The following QTMAN variants were observed in gnomAD, a reference collection of about 807,000 sequenced individuals.
QTMAN encodes tRNA-queuosine alpha-mannosyltransferase.
the QTMAN span, among the ~76,000 whole-genome samples, chr2:144,073,118 G>A: frequency 1.2e-3 from 185 of 152,052 alleles, 2 homozygotes; most frequent in African/African-American, 4.2e-3. Flanking sequence ...AAGCTAATTG[G>A]AAATTGCAAC....
chr2:144,208,691 A>G, the QTMAN span: 1 of 1,613,880 alleles, frequency 6.2e-7, no homozygotes, highest in South Asian at 1.1e-5. Flanking sequence ...GGAAGGGTAT[A>G]AACGACACAG....
the QTMAN span, among the ~76,000 whole-genome samples, chr2:144,197,458 C>T: frequency 1.3e-5 from 2 of 151,910 alleles, no homozygotes. Flanking sequence ...ACTTAAAATG[C>T]TGCCAAAACA....
the QTMAN span, among the ~76,000 whole-genome samples, chr2:144,087,850 TAGAGA>T: frequency 6.6e-6 from 1 of 152,054 alleles, no homozygotes; most frequent in Non-Finnish European, 1.5e-5. Context: ...TCATAGTGAA[TAGAGA>T]AAAGCTGAAA....
chr2:144,011,533 C>T, the QTMAN span: 18 of 735,456 alleles, frequency 2.4e-5, no homozygotes, highest in Non-Finnish European at 2.8e-5. Context: ...AAGCAGTTTG[C>T]TTAATAATAG....
At chr2:144,271,415 A>C in the QTMAN span, among the ~76,000 whole-genome samples, 1 of 152,204 alleles carries the variant, frequency 6.6e-6, no homozygotes, top group Non-Finnish European at 1.5e-5. Flanking sequence ...ACCAGCATAC[A>C]GAAGGAACCA....
the QTMAN span, among the ~76,000 whole-genome samples, chr2:143,980,134 A>G: frequency 1.4e-4 from 21 of 152,240 alleles, no homozygotes; most frequent in East Asian, 4.1e-3. Context: ...CCCATCACCT[A>G]GGTATTAATC....
At chr2:144,180,445 T>C in the QTMAN span, among the ~76,000 whole-genome samples, 1 of 152,094 alleles carries the variant, frequency 6.6e-6, no homozygotes, top group South Asian at 2.1e-4. Flanking sequence ...TTCTGAACTG[T>C]TAAAAAAAAT....
chr2:144,116,599 A>G, the QTMAN span, among the ~76,000 whole-genome samples: 1 of 152,180 alleles, frequency 6.6e-6, no homozygotes, highest in East Asian at 1.9e-4. Context: ...GTGGGTTCAA[A>G]TGAGCTAAAA....
At chr2:144,328,635 T>C in the QTMAN span, among the ~76,000 whole-genome samples, 2 of 152,208 alleles carry the variant, frequency 1.3e-5, no homozygotes, top group African/African-American at 4.8e-5. Flanking sequence ...GAAACTGATC[T>C]GGCAGTGAGT....
At chr2:143,943,219 GT>G in the QTMAN span, 3 of 152,146 alleles carry the variant, frequency 2.0e-5, no homozygotes, top group Non-Finnish European at 4.4e-5. Flanking sequence ...AACTTCCCCA[GT>G]TATATTTTAA....
At chr2:144,141,789 A>G in the QTMAN span, 1 of 926,442 alleles carries the variant, frequency 1.1e-6, no homozygotes, top group Non-Finnish European at 1.7e-6. Context: ...TACTTATGCT[A>G]AAAAGTTAAA....
the QTMAN span, among the ~76,000 whole-genome samples, chr2:144,034,158 A>G: frequency 1.9e-3 from 292 of 152,336 alleles, 3 homozygotes; most frequent in Non-Finnish European, 3.0e-3. Context: ...AATCAGAGCC[A>G]TTCCCCTGAA....
the QTMAN span, among the ~76,000 whole-genome samples, chr2:143,958,612 C>A: frequency 2.8e-4 from 42 of 151,944 alleles, no homozygotes; most frequent in African/African-American, 1.0e-3. Context: ...TAAATAGTTG[C>A]TAGAACCTAA....
the QTMAN span, among the ~76,000 whole-genome samples, chr2:143,956,640 C>T: frequency 6.6e-6 from 1 of 152,078 alleles, no homozygotes; most frequent in Non-Finnish European, 1.5e-5. Flanking sequence ...CTCCCATCCA[C>T]CTGAAGTCCA....
the QTMAN span, among the ~76,000 whole-genome samples, chr2:144,179,554 C>G: frequency 6.6e-6 from 1 of 152,062 alleles, no homozygotes; most frequent in Admixed American, 6.6e-5. Flanking sequence ...AAACATGAAC[C>G]ATCCTTCACT....
At chr2:144,298,271 G>A in the QTMAN span, among the ~76,000 whole-genome samples, 1 of 152,056 alleles carries the variant, frequency 6.6e-6, no homozygotes, top group Non-Finnish European at 1.5e-5. Flanking sequence ...GCCTGCCTTG[G>A]CCTCCCAAAG....
the QTMAN span, among the ~76,000 whole-genome samples, chr2:143,996,633 G>C: frequency 3.9e-5 from 6 of 152,232 alleles, no homozygotes; most frequent in African/African-American, 1.2e-4. Flanking sequence ...CTCTAAGGAA[G>C]GTGAGTGGTG....
At chr2:144,201,208 ACT>A in the QTMAN span, among the ~76,000 whole-genome samples, 1 of 152,106 alleles carries the variant, frequency 6.6e-6, no homozygotes, top group African/African-American at 2.4e-5. Context: ...TCAGGAAAGG[ACT>A]CTCTGAAATG....
At chr2:143,991,690 G>A in the QTMAN span, among the ~76,000 whole-genome samples, 1 of 140,788 alleles carries the variant, frequency 7.1e-6, no homozygotes, top group Non-Finnish European at 1.6e-5. Flanking sequence ...GGGAGGTGGG[G>A]GGTCAGCCCG....
Sources: gnomAD v4.1 joint callset for allele counts (sites outside exome capture counted in the v4.1 genomes callset) on GRCh38, gnomAD v4.1.1 for gene constraint, MANE v1.5 for transcripts, NCBI Gene and HGNC (gene_info 2026-07-23, HGNC 2026-07-21) for gene names.